MRPS18A: variants seen among roughly 807,000 people sequenced by gnomAD.
The protein encoded by MRPS18A is large ribosomal subunit protein mL66.
A neutral mutation model predicts 22.7 loss-of-function variants in MRPS18A; 20 were observed. The observed-to-expected ratio is 0.88, with a 90% confidence interval of 0.62 to 1.28. The LOEUF (loss-of-function observed/expected upper bound fraction) is 1.28, where lower values mean the gene tolerates loss of function less well. Among genes scored for constraint, MRPS18A ranks in the 50% most tolerant of loss-of-function variants. The probability of loss-of-function intolerance (pLI) is 0.00; values close to 1 mark genes in which losing one functional copy is unlikely to be tolerated. For synonymous variants in MRPS18A, 106 were observed against 99.1 expected, an observed-to-expected ratio of 1.07 and a Z score of -0.41; for missense variants, 294 against 262.6, an observed-to-expected ratio of 1.12 and a Z score of -0.83.
intron 1 of MRPS18A, among the ~76,000 whole-genome samples, chr6:43,681,602 C>T (rs1282048238): frequency 1.3e-5 from 2 of 152,216 alleles, no homozygotes; most frequent in Non-Finnish European, 2.9e-5. Flanking sequence ...TAACACTATT[C>T]CAGTGGCACC....
chr6:43,684,822 G>A (rs1774601452), intron 1 of MRPS18A, among the ~76,000 whole-genome samples: 1 of 152,156 alleles, frequency 6.6e-6, no homozygotes, highest in Admixed American at 6.5e-5. Flanking sequence ...TTCTCTAAGT[G>A]TCTGACAAAT....
intron 1 of MRPS18A, among the ~76,000 whole-genome samples, chr6:43,681,585 A>G (rs1243510568): frequency 6.6e-6 from 1 of 152,252 alleles, no homozygotes; most frequent in Admixed American, 6.5e-5. Context: ...AAGATATAGC[A>G]CTGAACTAAC....
chr6:43,673,074 G>A lies in MRPS18A; in HGVS notation c.447-1168C>T, dbSNP rs1486082942. Among the ~76,000 whole-genome samples, 2 of 147,422 alleles carry A rather than the reference G, an allele frequency of 1.4e-5. No homozygotes were observed. The highest frequency in any genetic ancestry group is 3.0e-5 in the Non-Finnish European group (2 of 67,418). Reference sequence around the variant, plus strand: ...GCGATCTCGGCTCACTGCAACTTCCGCCTCCTGGGTTTAAGCAATTCTCCT... The same window carrying A: ...GCGATCTCGGCTCACTGCAACTTCCACCTCCTGGGTTTAAGCAATTCTCCT... On this transcript the variant is annotated intron_variant, in intron 5 of 5. Transcript: ENST00000372133. This position sits in a 1 kb window ranked among gnomAD's most constrained non-coding sequence, Gnocchi z 4.2.
chr6:43,684,733 T>C (rs1185242232), intron 1 of MRPS18A, among the ~76,000 whole-genome samples: 1 of 152,194 alleles, frequency 6.6e-6, no homozygotes, highest in Admixed American at 6.5e-5. Flanking sequence ...AAACGTTAGG[T>C]CTTCCAGAAG....
chr6:43,671,843 G>T lies in MRPS18A; in HGVS notation c.510C>A (p.Asn170Lys). Residue 170 changes from asparagine to lysine, a missense_variant, in exon 6 of 6, where the codon AAC becomes AAA. Asn to Lys is a moderately conservative substitution (Grantham distance 94, BLOSUM62 0). Coordinates refer to ENST00000372133, the MANE Select transcript of MRPS18A (RefSeq NM_018135.4). Reference sequence around the variant, plus strand: ...GTGACCCCACGGGCATGCGCACCCTGTTCCAGCGGGGGCCTTTTTTGTAGA... The same window carrying T: ...GTGACCCCACGGGCATGCGCACCCTTTTCCAGCGGGGGCCTTTTTTGTAGA... ...KPIYKKGPRW[N>K]RVRMPVGSPL... 6.2e-7 allele frequency: 1 copy of T among 1,614,154 alleles called. No individual in the cohort carries two copies. Among genetic ancestry groups the T allele is most frequent in the South Asian group, 1.1e-5 (1 of 91,088 alleles).
At chr6:43,678,937 C>CGAAA (rs1554150779) in intron 2 of MRPS18A, among the ~76,000 whole-genome samples, 2 of 151,748 alleles carry the variant, frequency 1.3e-5, no homozygotes, top group African/African-American at 4.8e-5. Flanking sequence ...TTTCCGTCCT[C>CGAAA]GAAAAAAACA....
chr6:43,679,116 C>T (rs1414756498), intron 2 of MRPS18A, among the ~76,000 whole-genome samples: 2 of 152,204 alleles, frequency 1.3e-5, no homozygotes, highest in Non-Finnish European at 2.9e-5. Flanking sequence ...CTTTATCTTA[C>T]AGAGCTAAGG....
At chr6:43,681,226 C>G (rs1774393203) in intron 1 of MRPS18A, 106 bp from the exon 2 acceptor site, 1 of 1,136,160 alleles carries the variant, frequency 8.8e-7, no homozygotes, top group Non-Finnish European at 1.3e-6. Context: ...AGCCTTCCAT[C>G]TGTACTCTCT....
intron 1 of MRPS18A, among the ~76,000 whole-genome samples, chr6:43,681,968 T>A (rs2127951353): frequency 6.6e-6 from 1 of 152,350 alleles, no homozygotes; most frequent in South Asian, 2.1e-4. Context: ...AATCAAATAG[T>A]TCTTGGAGAT....
At chr6:43,679,280 C>T (rs567793062) in intron 2 of MRPS18A, among the ~76,000 whole-genome samples, 90 of 152,266 alleles carry the variant, frequency 5.9e-4, no homozygotes, top group African/African-American at 1.8e-3. Context: ...GGACAGCCCT[C>T]ACAACAAAGA....
chr6:43,672,812 C>T (rs1030997846), intron 5 of MRPS18A, among the ~76,000 whole-genome samples: 4 of 152,168 alleles, frequency 2.6e-5, no homozygotes, highest in East Asian at 1.9e-4. Flanking sequence ...AACTGAGCTC[C>T]GCTGGACCTT....
chr6:43,678,183 C>T (rs558615745), intron 3 of MRPS18A, among the ~76,000 whole-genome samples: 3 of 152,132 alleles, frequency 2.0e-5, no homozygotes, highest in South Asian at 4.2e-4. Flanking sequence ...TCAGGCCCCA[C>T]CCCCCGAGGC....
At chr6:43,680,502 T>C (rs1261502598) in intron 2 of MRPS18A, among the ~76,000 whole-genome samples, 3 of 152,256 alleles carry the variant, frequency 2.0e-5, no homozygotes, top group Non-Finnish European at 2.9e-5. Flanking sequence ...TTAAGGATTA[T>C]AGGATAATCT....
chr6:43,683,515 C>T (rs1774527006), intron 1 of MRPS18A, among the ~76,000 whole-genome samples: 1 of 152,204 alleles, frequency 6.6e-6, no homozygotes, highest in Non-Finnish European at 1.5e-5. Flanking sequence ...TCCTGGCTGC[C>T]TCCCTATTCA....
At chr6:43,676,006 C>G (rs58070538) in intron 3 of MRPS18A, among the ~76,000 whole-genome samples, 1 of 151,980 alleles carries the variant, frequency 6.6e-6, no homozygotes, top group African/African-American at 2.4e-5. Context: ...ACTATAGGTG[C>G]GTGCCACCAT....
chr6:43,679,640 G>C (rs1434536087), intron 2 of MRPS18A, among the ~76,000 whole-genome samples: 1 of 152,164 alleles, frequency 6.6e-6, no homozygotes, highest in East Asian at 1.9e-4. Context: ...ATGAGAGTGA[G>C]GCTGGGACGG....
At position 43,677,903 on chromosome 6, in the gene MRPS18A, T is replaced by A. The variant is rs1219119301; in HGVS notation, c.252+615A>T. Reference sequence around the variant, plus strand: ...TGGAAACGACTGCACTAGAAGAGCTTGAGCAATCAGGTATCTTTATAGCTC... The same window carrying A: ...TGGAAACGACTGCACTAGAAGAGCTAGAGCAATCAGGTATCTTTATAGCTC... On this transcript the variant is annotated intron_variant, in intron 3 of 5. Coordinates refer to ENST00000372133, the MANE Select transcript of MRPS18A (RefSeq NM_018135.4). Among the ~76,000 whole-genome samples, 3 of 152,194 alleles carry A rather than the reference T, an allele frequency of 2.0e-5. No individual in the cohort carries two copies. The East Asian group carries it at 5.8e-4, about 29-fold the overall frequency.
In MRPS18A at chr6:43,673,876, C is replaced by A. The variant is rs1773900015; in HGVS notation, c.446+1326G>T. On this transcript the variant is annotated intron_variant, in intron 5 of 5. Transcript: ENST00000372133. The surrounding 1 kb of genome is among the most constrained non-coding windows in gnomAD (Gnocchi z 4.2). Reference sequence around the variant, plus strand: ...CCCCCACACATCATCAATCCTGTGTCACGTTAAAGGATGCCGGATGTATGG... The same window carrying A: ...CCCCCACACATCATCAATCCTGTGTAACGTTAAAGGATGCCGGATGTATGG... Among the ~76,000 whole-genome samples, 1 of 152,212 alleles carries A rather than the reference C, an allele frequency of 6.6e-6. No homozygotes were observed.
At chr6:43,678,291 G>A (rs1029648329) in intron 3 of MRPS18A, among the ~76,000 whole-genome samples, 10 of 152,308 alleles carry the variant, frequency 6.6e-5, no homozygotes, top group South Asian at 6.2e-4. Context: ...CATCTATGAA[G>A]TGGCTTGGGA....
Sources: allele counts gnomAD v4.1 joint callset (sites outside exome capture counted in the v4.1 genomes callset), GRCh38; gene constraint gnomAD v4.1.1; non-coding constraint Gnocchi (gnomAD v3.1); transcripts MANE v1.5; gene names NCBI Gene and HGNC (gene_info 2026-07-23, HGNC 2026-07-21).